Variants in TRIM5 observed in about 807,000 individuals in gnomAD.
TRIM5 encodes tripartite motif-containing protein 5.
Under a neutral mutation model 35.6 loss-of-function variants are expected in TRIM5, and 31 were observed. The observed-to-expected ratio is 0.87, with a 90% CI of 0.65 to 1.18. The LOEUF (loss-of-function observed/expected upper bound fraction) is 1.18. Ranked by LOEUF, TRIM5 falls within the 50% of genes most tolerant of loss-of-function variation. The probability of loss-of-function intolerance (pLI) is 0.00; values close to 1 mark genes in which losing one functional copy is unlikely to be tolerated. For synonymous variants in TRIM5, 243 were observed against 215.6 expected (o/e 1.13, Z -1.11); for missense variants, 609 against 591.6 (o/e 1.03, Z -0.31).
chr11:5,644,616 A>G, the TRIM5 span, among the ~76,000 whole-genome samples: 1 of 152,100 alleles, frequency 6.6e-6, no homozygotes, highest in East Asian at 1.9e-4. Context: ...ATGTTTTGAT[A>G]CACACTTACA....
At chr11:5,678,552 G>A (rs1463027136) in intron 3 of TRIM5, 118 bp from the exon 4 acceptor site, 2 of 766,758 alleles carry the variant, frequency 2.6e-6, no homozygotes, top group Non-Finnish European at 4.1e-6. Context: ...TAGCAGGAGA[G>A]TAGGTCTTAG....
chr11:5,651,923 G>A, the TRIM5 span, among the ~76,000 whole-genome samples: 1 of 152,070 alleles, frequency 6.6e-6, no homozygotes, highest in Non-Finnish European at 1.5e-5. Flanking sequence ...TCACATGCTT[G>A]TTGGCCACGT....
chr11:5,623,448 A>C, the TRIM5 span, among the ~76,000 whole-genome samples: 1 of 151,180 alleles, frequency 6.6e-6, no homozygotes. Flanking sequence ...GCTCACTGCA[A>C]CCTCCGCCTC....
downstream of TRIM5, among the ~76,000 whole-genome samples, chr11:5,659,989 T>G (rs568796759): frequency 2.6e-5 from 4 of 152,300 alleles, no homozygotes; most frequent in East Asian, 7.7e-4. Flanking sequence ...TCATTCTTTT[T>G]TTTTTGAAAC....
intron 4 of TRIM5, among the ~76,000 whole-genome samples, chr11:5,676,947 T>C (rs1283455370): frequency 6.6e-6 from 1 of 151,158 alleles, no homozygotes; most frequent in Non-Finnish European, 1.5e-5. Flanking sequence ...TATACAAAAA[T>C]CAATTCAAGA....
the TRIM5 span, among the ~76,000 whole-genome samples, chr11:5,622,421 G>A: frequency 3.3e-5 from 5 of 151,406 alleles, no homozygotes; most frequent in Non-Finnish European, 5.9e-5. Flanking sequence ...CTCCAGCCTG[G>A]GCGACAGAGC....
the TRIM5 span, among the ~76,000 whole-genome samples, chr11:5,621,337 G>C: frequency 6.6e-6 from 1 of 152,216 alleles, no homozygotes; most frequent in Non-Finnish European, 1.5e-5. Context: ...GGTGTCTCTA[G>C]ATAATTTCCC....
chr11:5,675,080 G>A (rs1851842756), intron 4 of TRIM5, among the ~76,000 whole-genome samples: 1 of 151,970 alleles, frequency 6.6e-6, no homozygotes, highest in South Asian at 2.1e-4. Flanking sequence ...CCAGGCTGGA[G>A]TGCAGTGGTG....
At chr11:5,653,042 C>T in the TRIM5 span, among the ~76,000 whole-genome samples, 3 of 151,910 alleles carry the variant, frequency 2.0e-5, no homozygotes, top group African/African-American at 7.3e-5. Context: ...TTGGTAGAGA[C>T]GAGATTTCAC....
At chr11:5,629,532 CA>C in the TRIM5 span, among the ~76,000 whole-genome samples, 4 of 152,266 alleles carry the variant, frequency 2.6e-5, no homozygotes, top group African/African-American at 9.6e-5. Context: ...TGAGAATTGG[CA>C]TTGTATCATC....
chr11:5,642,980 G>A, the TRIM5 span: 2 of 1,382,518 alleles, frequency 1.4e-6, no homozygotes, highest in Non-Finnish European at 1.9e-6. Flanking sequence ...TTTCTCCAGT[G>A]TTTTACCCCT....
the TRIM5 span, among the ~76,000 whole-genome samples, chr11:5,631,449 C>G: frequency 6.6e-6 from 1 of 152,142 alleles, no homozygotes; most frequent in Admixed American, 6.6e-5. Context: ...ATTTATTCAT[C>G]TGAAGAAAGG....
At chr11:5,661,675 A>G (rs942774220), downstream of TRIM5, among the ~76,000 whole-genome samples, 4 of 152,202 alleles carry the variant, frequency 2.6e-5, no homozygotes, top group Non-Finnish European at 5.9e-5. Context: ...ACTGATACAC[A>G]GGCAGAGAGA....
At chr11:5,653,792 A>C in the TRIM5 span, among the ~76,000 whole-genome samples, 1 of 151,902 alleles carries the variant, frequency 6.6e-6, no homozygotes, top group African/African-American at 2.4e-5. Context: ...CGCCCGGCTA[A>C]AACTGTTTTA....
chr11:5,633,175 A>C, the TRIM5 span, among the ~76,000 whole-genome samples: 1 of 146,106 alleles, frequency 6.8e-6, no homozygotes, highest in Non-Finnish European at 1.5e-5. Context: ...TGTGAGCAAT[A>C]AAGCTTTTTA....
chr11:5,665,756 T>G, intron 6 of TRIM5, 74 bp from the exon 7 acceptor site: 1 of 1,476,232 alleles, frequency 6.8e-7, no homozygotes, highest in Non-Finnish European at 8.9e-7. Context: ...CTCTCCAGAT[T>G]AGGGAAAGAG....
chr11:5,622,194 C>T, the TRIM5 span, among the ~76,000 whole-genome samples: 1 of 151,994 alleles, frequency 6.6e-6, no homozygotes, highest in Non-Finnish European at 1.5e-5. Flanking sequence ...ACCTGTAATC[C>T]CAGGACTTCG....
At chr11:5,624,143 T>G in the TRIM5 span, among the ~76,000 whole-genome samples, 1 of 152,190 alleles carries the variant, frequency 6.6e-6, no homozygotes, top group Admixed American at 6.5e-5. Flanking sequence ...GCCCTTTCTG[T>G]CCAGGGCACA....
At chr11:5,615,587 TGTTGTTGTTG>T in the TRIM5 span, among the ~76,000 whole-genome samples, 1 of 116,398 alleles carries the variant, frequency 8.6e-6, no homozygotes, top group Non-Finnish European at 1.8e-5. Flanking sequence ...GTTTTTTTTT[TGTTGTTGTTG>T]TTGTTTGTTT....
Sources: allele counts gnomAD v4.1 joint callset (sites outside exome capture counted in the v4.1 genomes callset), GRCh38; gene constraint gnomAD v4.1.1; transcripts MANE v1.5; gene names NCBI Gene and HGNC (gene_info 2026-07-23, HGNC 2026-07-21).